The following MYO6 variants were observed in gnomAD, a reference collection of about 807,000 sequenced individuals.
The protein encoded by MYO6 is myosin VI.
Under a neutral mutation model 178.7 loss-of-function variants are expected in MYO6, and 74 were observed. The observed-to-expected ratio is 0.41, with a 90% CI of 0.34 to 0.50. The LOEUF (loss-of-function observed/expected upper bound fraction) is 0.50. Among genes scored for constraint, MYO6 ranks in the 20% least tolerant of loss-of-function variants. MYO6 has a pLI of 0.09. For missense variants in MYO6, 1,330 were observed against 1,547.4 expected (o/e 0.86, Z 2.36); for synonymous variants, 477 against 504.6 (o/e 0.95, Z 0.73).
intron 11 of MYO6, among the ~76,000 whole-genome samples, chr6:75,850,227 A>G (rs1264932442): frequency 6.6e-6 from 1 of 152,096 alleles, no homozygotes; most frequent in African/African-American, 2.4e-5. Flanking sequence ...TCCTCTCACT[A>G]GCAATAGTGT....
chr6:75,833,126 A>G (rs1347264910), intron 6 of MYO6, among the ~76,000 whole-genome samples, 179 bp downstream of exon 6: 1 of 152,162 alleles, frequency 6.6e-6, no homozygotes, highest in Non-Finnish European at 1.5e-5. Flanking sequence ...GGCTGGGACT[A>G]TAGGCACATG....
At chr6:75,826,860 C>T (rs1162172121) in intron 3 of MYO6, among the ~76,000 whole-genome samples, 1 of 151,910 alleles carries the variant, frequency 6.6e-6, no homozygotes, top group East Asian at 1.9e-4. Flanking sequence ...TTACAGTGAG[C>T]TGAGATCGTG....
intron 20 of MYO6, 134 bp from the exon 21 acceptor site, chr6:75,879,686 T>C (rs893360422): frequency 4.2e-6 from 5 of 1,185,910 alleles, no homozygotes; most frequent in South Asian, 3.8e-5. Context: ...TATTTTCCTA[T>C]ATAATATTTA....
intron 1 of MYO6, among the ~76,000 whole-genome samples, chr6:75,757,756 A>G (rs992500511): frequency 1.3e-5 from 2 of 152,010 alleles, no homozygotes; most frequent in African/African-American, 4.8e-5. Context: ...CTCATCTATA[A>G]AATGGAAGTA....
At chr6:75,851,000 GTTAGCATACA>G (rs1321692924) in intron 11 of MYO6, among the ~76,000 whole-genome samples, 1 of 151,754 alleles carries the variant, frequency 6.6e-6, no homozygotes, top group African/African-American at 2.4e-5. Context: ...TGTAATGAAT[GTTAGCATACA>G]TTTCATTTGC....
chr6:75,875,007 T>A (rs1037533881), intron 20 of MYO6, among the ~76,000 whole-genome samples: 2 of 152,220 alleles, frequency 1.3e-5, no homozygotes, highest in African/African-American at 4.8e-5. Flanking sequence ...CGTATGCCCC[T>A]GCTTTTCTTT....
Position 75,890,217 on chromosome 6 carries a change from G to A in MYO6, c.2819G>A (p.Arg940His), listed in dbSNP as rs889807763. 13 of 1,611,422 alleles carry A rather than the reference G, an allele frequency of 8.1e-6. No homozygotes were observed. The highest frequency in any genetic ancestry group is 2.2e-5 in the South Asian group (2 of 91,022). The part of the protein sequence containing the change: ...QEEMEKERKR[R>H]EEDEKRRRKE... ...GAAATGGAAAAGGAAAGAAAAAGAC[G>A]TGAAGAAGACGAAAAACGTCGAAGA... is the stretch of plus-strand genomic sequence containing the variant. Residue 940 changes from arginine to histidine, a missense_variant, in exon 26 of 35, where the codon CGT becomes CAT. Arg to His is a conservative substitution (Grantham distance 29). Around this residue, in one of 3 missense-constraint regions of MYO6, gnomAD observed 601 missense variants for 626.1 expected, o/e 0.96. Transcript: ENST00000369977.
chr6:75,883,178 C>T (rs1171659144), intron 23 of MYO6, among the ~76,000 whole-genome samples: 3 of 151,276 alleles, frequency 2.0e-5, no homozygotes, highest in East Asian at 1.9e-4. Flanking sequence ...TTAGAACTCT[C>T]CAAAAATTTC....
chr6:75,804,309 C>G (rs1292289653), intron 1 of MYO6, among the ~76,000 whole-genome samples: 1 of 152,192 alleles, frequency 6.6e-6, no homozygotes, highest in Non-Finnish European at 1.5e-5. Flanking sequence ...ACCTTGTGCC[C>G]CATTTTCTCA....
rs903658625 is a variant in MYO6, at chr6:75,918,648, C to G, written c.*3636C>G. 1 of 152,244 alleles carries G rather than the reference C, an allele frequency of 6.6e-6. No individual in the cohort carries two copies. The highest frequency in any genetic ancestry group is 2.4e-5 in the African/African-American group (1 of 41,464). 9.4% of individuals were successfully genotyped at this position (152,244 alleles called of 1,614,324 possible). The stretch of plus-strand genomic sequence containing the variant: ...GAGACTGGCAGAAGTAGCACCTACT[C>G]TGCTGGGAGCACTTCTCTGAGTACG... On this transcript the variant is annotated 3_prime_UTR_variant, in exon 35 of 35. Transcript: ENST00000369977.
Position 75,915,180 on chromosome 6 carries a change from C to A in MYO6, c.*168C>A. On this transcript the variant is annotated 3_prime_UTR_variant, in exon 35 of 35. Coordinates refer to ENST00000369977, the MANE Select transcript of MYO6 (RefSeq NM_004999.4). ...ATTTGTTTAAGGTTAATTATGGTAG[C>A]AAATTTTGGACCTAAACATTATTTT... 1 of 705,498 alleles carries A rather than the reference C, an allele frequency of 1.4e-6. No individual in the cohort carries two copies. The highest frequency in any genetic ancestry group is 1.8e-5 in the South Asian group (1 of 55,106). 43.7% of individuals were successfully genotyped at this position (705,498 alleles called of 1,614,324 possible). A position where few individuals can be genotyped will look rare whatever the true frequency, so the allele number is the denominator to read the frequency against.
chr6:75,835,801 A>G (rs1342667764), intron 6 of MYO6, 100 bp from the exon 7 acceptor site: 1 of 720,260 alleles, frequency 1.4e-6, no homozygotes, highest in African/African-American at 1.8e-5. Flanking sequence ...CATTTGTTAT[A>G]ATGATGATCT....
chr6:75,790,473 G>A (rs746633612), intron 1 of MYO6, among the ~76,000 whole-genome samples: 5 of 151,022 alleles, frequency 3.3e-5, no homozygotes, highest in African/African-American at 7.3e-5. Context: ...CCTCCGCCTC[G>A]TGGGTTCAAG....
intron 25 of MYO6, among the ~76,000 whole-genome samples, chr6:75,887,270 C>G (rs1778508272): frequency 6.6e-6 from 1 of 152,220 alleles, no homozygotes; most frequent in Non-Finnish European, 1.5e-5. Flanking sequence ...ATGGGATGAT[C>G]TGTGCATCAA....
chr6:75,887,037 TTAATA>T (rs773450779), intron 25 of MYO6, 43 bp downstream of exon 25: 1 of 1,565,498 alleles, frequency 6.4e-7, no homozygotes, highest in Non-Finnish European at 8.8e-7. Context: ...TTTATGTAAT[TTAATA>T]TATTTTGTTA....
chr6:75,752,079 G>A (rs1342440349), intron 1 of MYO6, among the ~76,000 whole-genome samples: 1 of 150,446 alleles, frequency 6.6e-6, no homozygotes, highest in Non-Finnish European at 1.5e-5. Context: ...TGCAACCTCC[G>A]TCTCCTGGGT....
intron 1 of MYO6, among the ~76,000 whole-genome samples, chr6:75,811,362 T>C (rs1157362517): frequency 6.6e-6 from 1 of 152,232 alleles, no homozygotes; most frequent in Non-Finnish European, 1.5e-5. Context: ...TGGTTGCCTC[T>C]CAACCATTTG....
intron 1 of MYO6, among the ~76,000 whole-genome samples, chr6:75,801,262 C>G (rs1200732407): frequency 6.6e-6 from 1 of 151,262 alleles, no homozygotes; most frequent in Non-Finnish European, 1.5e-5. Flanking sequence ...ACCTTCTTCA[C>G]AAGGTGCTTC....
At chr6:75,792,696 C>T (rs1188361447) in intron 1 of MYO6, among the ~76,000 whole-genome samples, 4 of 151,860 alleles carry the variant, frequency 2.6e-5, no homozygotes, top group Non-Finnish European at 5.9e-5. Flanking sequence ...CTGATAGTTT[C>T]GGGTACCTAT....
Sources: allele counts gnomAD v4.1 joint callset (sites outside exome capture counted in the v4.1 genomes callset), GRCh38; gene constraint gnomAD v4.1.1; regional missense constraint gnomAD v4.1.1; transcripts MANE v1.5; gene names NCBI Gene and HGNC (gene_info 2026-07-23, HGNC 2026-07-21).